SND1: variants seen among roughly 807,000 people sequenced by gnomAD.
SND1 encodes staphylococcal nuclease domain-containing protein 1.
A neutral mutation model predicts 121.7 loss-of-function variants in SND1; 38 were observed. The observed-to-expected ratio is 0.31, with a 90% confidence interval of 0.24 to 0.41. The LOEUF is 0.41. Ranked by LOEUF, SND1 falls within the 10% of genes least tolerant of loss-of-function variation. The pLI, the probability that SND1 is intolerant of heterozygous loss-of-function variation, is 1.00. For missense variants in SND1, 868 were observed against 1,184.6 expected (o/e 0.73, Z 3.92); for synonymous variants, 401 against 447.4 (o/e 0.90, Z 1.31).
intron 15 of SND1, among the ~76,000 whole-genome samples, chr7:127,965,990 T>C (rs1437577787): frequency 8.6e-5 from 8 of 93,302 alleles, no homozygotes; most frequent in Non-Finnish European, 1.5e-4. Context: ...CTTGGGAGAG[T>C]GTATGTGTCG....
chr7:127,843,170 T>C (rs1467618147), intron 11 of SND1, among the ~76,000 whole-genome samples: 1 of 152,182 alleles, frequency 6.6e-6, no homozygotes, highest in Admixed American at 6.5e-5. Flanking sequence ...CCCATATACC[T>C]TCTGCCCCCT....
At chr7:127,681,778 A>G (rs1795732254) in intron 1 of SND1, among the ~76,000 whole-genome samples, 2 of 152,198 alleles carry the variant, frequency 1.3e-5, no homozygotes, top group African/African-American at 4.8e-5. Context: ...ACCCTTGTTC[A>G]AAGTCAGTGG....
At chr7:127,733,269 G>A (rs958682591) in intron 10 of SND1, among the ~76,000 whole-genome samples, 1 of 151,610 alleles carries the variant, frequency 6.6e-6, no homozygotes, top group Non-Finnish European at 1.5e-5. Context: ...GGATAATTGA[G>A]GGATGGAAAG....
chr7:128,029,765 C>A lies in SND1; in HGVS notation c.1779+38709C>A, dbSNP rs1158575606. The A allele has an allele frequency of 6.2e-7, 1 of 1,613,560 alleles. No individual in the cohort carries two copies. The highest frequency in any genetic ancestry group is 2.2e-5 in the East Asian group (1 of 44,876). On this transcript the variant is annotated intron_variant, in intron 16 of 23. Coordinates refer to ENST00000354725, the MANE Select transcript of SND1 (RefSeq NM_014390.4). This position sits in a 1 kb window ranked among gnomAD's most constrained non-coding sequence, Gnocchi z 4.2. ...GGTTGTGGTGTAGATGCAACTCCAC[C>A]AGGTACCTCAGCGGGGTAAAGAGGT...
chr7:127,842,555 C>T (rs1046622110), intron 11 of SND1, among the ~76,000 whole-genome samples: 9 of 152,228 alleles, frequency 5.9e-5, no homozygotes, highest in African/African-American at 2.2e-4. Context: ...CTGCACACTG[C>T]TTAACTCTCA....
chr7:127,897,376 T>TTTACA (rs1311044618), intron 13 of SND1, among the ~76,000 whole-genome samples: 2 of 152,190 alleles, frequency 1.3e-5, no homozygotes, highest in South Asian at 2.1e-4. Context: ...TTTCTGTAAC[T>TTTACA]GATGTGTTTG....
At chr7:128,060,593 C>G (rs1793214748) in intron 16 of SND1, among the ~76,000 whole-genome samples, 1 of 152,226 alleles carries the variant, frequency 6.6e-6, no homozygotes, top group Non-Finnish European at 1.5e-5. Context: ...CCTGCTGCCT[C>G]TAGGCAGCAG....
intron 15 of SND1, among the ~76,000 whole-genome samples, chr7:127,940,578 A>G (rs776320784): frequency 9.2e-5 from 14 of 152,220 alleles, no homozygotes; most frequent in Non-Finnish European, 1.8e-4. Flanking sequence ...CCTGGTTGCT[A>G]TGGAAACTAC....
chr7:127,796,240 C>T (rs997666327), intron 10 of SND1, among the ~76,000 whole-genome samples: 6 of 152,100 alleles, frequency 3.9e-5, no homozygotes, highest in South Asian at 4.2e-4. Flanking sequence ...ATAGTATAAG[C>T]GCCTTCATTC....
At chr7:127,860,756 C>T (rs531842968) in intron 12 of SND1, among the ~76,000 whole-genome samples, 1 of 152,286 alleles carries the variant, frequency 6.6e-6, no homozygotes, top group South Asian at 2.1e-4. Flanking sequence ...TTATTGCTAG[C>T]TAACCAAAAC....
intron 11 of SND1, among the ~76,000 whole-genome samples, chr7:127,839,536 G>A (rs1262218977): frequency 6.6e-6 from 1 of 152,100 alleles, no homozygotes; most frequent in Admixed American, 6.5e-5. Flanking sequence ...GTTTGATACT[G>A]TTCTAGTCAT....
intron 1 of SND1, among the ~76,000 whole-genome samples, chr7:127,656,825 ACCCTTCTACTATT>A (rs1365297553): frequency 6.6e-6 from 1 of 152,174 alleles, no homozygotes; most frequent in African/African-American, 2.4e-5. Context: ...TACTTAAAAT[ACCCTTCTACTATT>A]CCAAGGGATA....
At chr7:127,700,929 C>T (rs928212043) in intron 4 of SND1, among the ~76,000 whole-genome samples, 2 of 152,104 alleles carry the variant, frequency 1.3e-5, no homozygotes, top group African/African-American at 4.8e-5. Flanking sequence ...TTCTTTAGAT[C>T]GTCTCATTAA....
intron 1 of SND1, among the ~76,000 whole-genome samples, chr7:127,676,429 T>C (rs896818325): frequency 1.3e-5 from 2 of 152,224 alleles, no homozygotes; most frequent in Admixed American, 1.3e-4. Flanking sequence ...GTGTTCAGAA[T>C]GATTTTCACT....
At chr7:127,806,826 A>G (rs913996862) in intron 10 of SND1, among the ~76,000 whole-genome samples, 3 of 152,040 alleles carry the variant, frequency 2.0e-5, no homozygotes, top group Admixed American at 2.0e-4. Context: ...GGGTGTGGTG[A>G]CACATGCCTG....
intron 13 of SND1, among the ~76,000 whole-genome samples, chr7:127,901,250 C>G (rs537006850): frequency 6.6e-6 from 1 of 152,162 alleles, no homozygotes; most frequent in African/African-American, 2.4e-5. Context: ...GAGCCTGGGT[C>G]TCCATGTCAT....
At chr7:127,827,461 A>C (rs1208951973) in intron 11 of SND1, among the ~76,000 whole-genome samples, 2 of 152,186 alleles carry the variant, frequency 1.3e-5, no homozygotes, top group Non-Finnish European at 2.9e-5. Context: ...ACCCCTTTTC[A>C]TAATTTGGGG....
intron 9 of SND1, among the ~76,000 whole-genome samples, chr7:127,720,611 T>C (rs1041199789): frequency 3.9e-5 from 6 of 152,200 alleles, no homozygotes; most frequent in Non-Finnish European, 7.3e-5. Flanking sequence ...CCCAGACTAG[T>C]TCTTTTTCTT....
chr7:128,064,090 A>G (rs1405911738), intron 16 of SND1, among the ~76,000 whole-genome samples: 1 of 152,210 alleles, frequency 6.6e-6, no homozygotes, highest in Non-Finnish European at 1.5e-5. Flanking sequence ...ACTATTCGCC[A>G]GACTCTCCTT....
Sources: gnomAD v4.1 joint callset for allele counts (sites outside exome capture counted in the v4.1 genomes callset) on GRCh38, gnomAD v4.1.1 for gene constraint, Gnocchi (gnomAD v3.1) non-coding constraint, MANE v1.5 for transcripts, NCBI Gene and HGNC (gene_info 2026-07-23, HGNC 2026-07-21) for gene names.